The following HHAT variants were observed in gnomAD, a reference collection of about 807,000 sequenced individuals.
The protein encoded by HHAT is protein-cysteine N-palmitoyltransferase HHAT.
HHAT carries 47 observed loss-of-function variants against 70.8 expected under a neutral mutation model. The observed-to-expected ratio is 0.66, with a 90% CI of 0.53 to 0.85. The LOEUF (loss-of-function observed/expected upper bound fraction) is 0.85. HHAT is among the 40% of genes least tolerant of loss of function. The pLI is 0.00. For synonymous variants in HHAT, 228 were observed against 247.6 expected (o/e 0.92, Z 0.74); for missense variants, 609 against 604.8 (o/e 1.01, Z -0.07).
At chr1:210,390,248 A>C (rs2091367292) in intron 4 of HHAT, among the ~76,000 whole-genome samples, 1 of 152,210 alleles carries the variant, frequency 6.6e-6, no homozygotes, top group South Asian at 2.1e-4. Context: ...CTTAAAACAG[A>C]AGGACACATA....
intron 7 of HHAT, among the ~76,000 whole-genome samples, chr1:210,453,972 G>C (rs2093808454): frequency 6.6e-6 from 1 of 152,206 alleles, no homozygotes; most frequent in Admixed American, 6.5e-5. Flanking sequence ...ACAGAGGGAG[G>C]TGAAAGGTAC....
rs905355084 is a variant in HHAT at position 210,550,919 on chromosome 1, T to C, written c.1044-36979T>C. ...TTGACCTTAAGTGATCCACCCACCT[T>C]GGCCTCCCAAAGCTCTAGGATTACA... On this transcript the variant is annotated intron_variant, in intron 9 of 11. Transcript: ENST00000261458. Among the ~76,000 whole-genome samples the C allele has an allele frequency of 3.7e-5, 4 of 107,404 alleles. 2 individuals carry two copies. The Admixed American group carries it at 4.3e-4, about 11-fold the overall frequency. 70.5% of individuals were successfully genotyped at this position (107,404 alleles called of 152,430 possible).
At chr1:210,453,014 G>T (rs2093786334) in intron 7 of HHAT, among the ~76,000 whole-genome samples, 1 of 152,160 alleles carries the variant, frequency 6.6e-6, no homozygotes, top group Non-Finnish European at 1.5e-5. Context: ...CAGTGTTTAA[G>T]TACCAACTGT....
chr1:210,480,806 T>C (rs1026429519), intron 8 of HHAT, among the ~76,000 whole-genome samples: 1 of 152,146 alleles, frequency 6.6e-6, no homozygotes, highest in African/African-American at 2.4e-5. Flanking sequence ...TCCCACCTTA[T>C]TCCTTTATTT....
At chr1:210,551,150 G>A (rs905613116) in intron 9 of HHAT, among the ~76,000 whole-genome samples, 2 of 148,878 alleles carry the variant, frequency 1.3e-5, no homozygotes, top group Non-Finnish European at 2.9e-5. Context: ...AAATGTCTTG[G>A]CTCTTCTCTG....
intron 11 of HHAT, among the ~76,000 whole-genome samples, chr1:210,654,597 T>TC (rs1675986441): frequency 6.6e-6 from 1 of 152,252 alleles, no homozygotes; most frequent in Admixed American, 6.5e-5. Flanking sequence ...ATCGCTGGTA[T>TC]CCCAGCACTT....
intron 10 of HHAT, among the ~76,000 whole-genome samples, chr1:210,619,386 C>G (rs1408347160): frequency 6.6e-6 from 1 of 152,192 alleles, no homozygotes; most frequent in Non-Finnish European, 1.5e-5. Flanking sequence ...CTCCTCCTCA[C>G]TCTCCATGTG....
intron 4 of HHAT, among the ~76,000 whole-genome samples, chr1:210,392,896 C>T (rs965693810): frequency 2.0e-5 from 3 of 152,142 alleles, no homozygotes; most frequent in Non-Finnish European, 2.9e-5. Flanking sequence ...ACCTCCTCCA[C>T]GTTCAGCTCC....
chr1:210,357,740 A>G (rs2087800524), intron 2 of HHAT, among the ~76,000 whole-genome samples: 1 of 152,214 alleles, frequency 6.6e-6, no homozygotes. Flanking sequence ...GAATGGCGTG[A>G]ACCCGGGAGG....
At chr1:210,581,986 AAATGACACCCAT>A (rs1439311433) in intron 9 of HHAT, among the ~76,000 whole-genome samples, 6 of 152,232 alleles carry the variant, frequency 3.9e-5, no homozygotes, top group African/African-American at 1.4e-4. Flanking sequence ...AATTGAGTTA[AAATGACACCCAT>A]AATAGACACA....
chr1:210,552,681 T>A (rs928782806), intron 9 of HHAT, among the ~76,000 whole-genome samples: 5 of 152,190 alleles, frequency 3.3e-5, no homozygotes, highest in African/African-American at 1.2e-4. Context: ...GTTATTGATG[T>A]GGGCTGCCTC....
intron 11 of HHAT, among the ~76,000 whole-genome samples, chr1:210,644,939 C>T (rs1313418084): frequency 6.6e-6 from 1 of 152,106 alleles, no homozygotes; most frequent in Non-Finnish European, 1.5e-5. Flanking sequence ...CCACTTACTG[C>T]GCATGGCCGT....
At chr1:210,458,372 G>A (rs1176705867) in intron 7 of HHAT, among the ~76,000 whole-genome samples, 5 of 152,182 alleles carry the variant, frequency 3.3e-5, no homozygotes, top group Admixed American at 2.0e-4. Flanking sequence ...ACTGGTTGGT[G>A]CTAAGGAGAT....
intron 11 of HHAT, among the ~76,000 whole-genome samples, chr1:210,651,339 A>G (rs1051276247): frequency 2.0e-5 from 3 of 152,236 alleles, no homozygotes; most frequent in Non-Finnish European, 2.9e-5. Flanking sequence ...GGGATTTGAT[A>G]TGGGGAATTA....
chr1:210,530,805 T>C (rs959520877), intron 9 of HHAT, among the ~76,000 whole-genome samples: 2 of 152,158 alleles, frequency 1.3e-5, no homozygotes. Context: ...TTAATGGGTA[T>C]CTGGTACAAT....
chr1:210,618,129 A>C (rs1668112326), intron 10 of HHAT, among the ~76,000 whole-genome samples: 1 of 152,208 alleles, frequency 6.6e-6, no homozygotes, highest in Non-Finnish European at 1.5e-5. Context: ...TTCTAGCTGA[A>C]AATGACTGAA....
At chr1:210,332,812 G>C (rs183729706) in intron 1 of HHAT, among the ~76,000 whole-genome samples, 65 of 152,314 alleles carry the variant, frequency 4.3e-4, no homozygotes, top group African/African-American at 1.5e-3. Context: ...CCTGTAATTT[G>C]AGTATGACTC....
At chr1:210,518,321 A>G (rs780041957) in intron 9 of HHAT, among the ~76,000 whole-genome samples, 9 of 152,128 alleles carry the variant, frequency 5.9e-5, no homozygotes, top group Non-Finnish European at 1.0e-4. Context: ...TCCACATATC[A>G]GTGAGATCAT....
intron 9 of HHAT, among the ~76,000 whole-genome samples, chr1:210,519,300 C>T (rs12124263): frequency 0.18 from 27,646 of 152,104 alleles, 2,726 homozygotes; most frequent in South Asian, 0.36. Flanking sequence ...GTCAATAGTG[C>T]TGCAGTAAAC....
Sources: gnomAD v4.1 joint callset for allele counts (sites outside exome capture counted in the v4.1 genomes callset) on GRCh38, gnomAD v4.1.1 for gene constraint, MANE v1.5 for transcripts, NCBI Gene and HGNC (gene_info 2026-07-23, HGNC 2026-07-21) for gene names.